CENPP: variants seen among roughly 807,000 people sequenced by gnomAD.
CENPP encodes the protein centromere protein P.
CENPP carries 24 observed loss-of-function variants against 35.6 expected under a neutral mutation model. The observed-to-expected ratio is 0.67, with a 90% CI of 0.49 to 0.95. The LOEUF is 0.95. Among genes scored for constraint, CENPP ranks in the 40% least tolerant of loss-of-function variants. The pLI is 0.00. For synonymous variants in CENPP, 120 were observed against 125.5 expected (o/e 0.96, Z 0.29); for missense variants, 332 against 345.3 (o/e 0.96, Z 0.31).
chr9:92,498,453 A>T (rs944561089), intron 5 of CENPP, among the ~76,000 whole-genome samples: 16 of 151,906 alleles, frequency 1.1e-4, no homozygotes, highest in East Asian at 7.7e-4. Context: ...TAAAAAGAAA[A>T]TATATATATA....
At chr9:92,480,608 T>A (rs1379449000) in intron 5 of CENPP, among the ~76,000 whole-genome samples, 1 of 152,240 alleles carries the variant, frequency 6.6e-6, no homozygotes, top group Non-Finnish European at 1.5e-5. Context: ...TCCATTTAAC[T>A]GGTCTACAAA....
intron 5 of CENPP, among the ~76,000 whole-genome samples, chr9:92,387,041 C>T (rs1842454336): frequency 8.0e-6 from 1 of 124,544 alleles, no homozygotes; most frequent in South Asian, 2.7e-4. Flanking sequence ...GAGCGAGACT[C>T]TGTCTCAAAA....
intron 5 of CENPP, among the ~76,000 whole-genome samples, chr9:92,581,824 G>C (rs1850432861): frequency 6.6e-6 from 1 of 152,088 alleles, no homozygotes; most frequent in African/African-American, 2.4e-5. Context: ...TCATATGAGA[G>C]GCTTTTTAAG....
At chr9:92,587,486 G>GT (rs1300360053) in intron 5 of CENPP, among the ~76,000 whole-genome samples, 3 of 151,806 alleles carry the variant, frequency 2.0e-5, no homozygotes, top group Non-Finnish European at 4.4e-5. Context: ...AAAGGGGGGG[G>GT]ACCAATCAAA....
At chr9:92,522,843 AC>A (rs1320559248) in intron 5 of CENPP, 7 of 1,606,358 alleles carry the variant, frequency 4.4e-6, no homozygotes, top group Admixed American at 1.7e-5. Flanking sequence ...GCAGAAAAAA[AC>A]AAAACAAAAC....
At chr9:92,333,949 C>T (rs1840837842) in intron 2 of CENPP, among the ~76,000 whole-genome samples, 1 of 152,150 alleles carries the variant, frequency 6.6e-6, no homozygotes, top group African/African-American at 2.4e-5. Flanking sequence ...TTTATTGCAG[C>T]TATGCTTTTA....
At chr9:92,450,400 C>T (rs1479079397) in intron 5 of CENPP, among the ~76,000 whole-genome samples, 2 of 152,126 alleles carry the variant, frequency 1.3e-5, no homozygotes, top group Non-Finnish European at 2.9e-5. Context: ...CCAGTTTCAT[C>T]CATGTCCCTA....
At chr9:92,395,944 C>T (rs185021370) in intron 5 of CENPP, among the ~76,000 whole-genome samples, 1 of 151,592 alleles carries the variant, frequency 6.6e-6, no homozygotes, top group East Asian at 1.9e-4. Flanking sequence ...GTTTGCCGAC[C>T]ACCAAGATTT....
At chr9:92,404,776 A>G (rs1216716599) in intron 5 of CENPP, 1 of 521,950 alleles carries the variant, frequency 1.9e-6, no homozygotes, top group Admixed American at 6.2e-5. Context: ...ATTTGACTAT[A>G]AACTTGTGTG....
chr9:92,408,219 C>T (rs150096856), intron 5 of CENPP, among the ~76,000 whole-genome samples: 1,638 of 152,274 alleles, frequency 0.011, 21 homozygotes, highest in South Asian at 0.054. Context: ...CGGAGTCTTG[C>T]TCTGTCTCCA....
intron 5 of CENPP, among the ~76,000 whole-genome samples, chr9:92,381,709 G>A (rs1458701195): frequency 6.6e-6 from 1 of 152,088 alleles, no homozygotes; most frequent in East Asian, 1.9e-4. Flanking sequence ...ATATCTGTTT[G>A]CACCTCTTTC....
At chr9:92,486,754 TTTTG>T (rs1177666846) in intron 5 of CENPP, among the ~76,000 whole-genome samples, 4 of 151,952 alleles carry the variant, frequency 2.6e-5, no homozygotes, top group African/African-American at 9.7e-5. Flanking sequence ...ACTTATACAA[TTTTG>T]TTTATTATAT....
chr9:92,389,964 G>A, intron 5 of CENPP: 5 of 1,610,288 alleles, frequency 3.1e-6, no homozygotes, highest in Non-Finnish European at 3.4e-6. Context: ...TTTTCAGCAA[G>A]TGAAAGTTCT....
chr9:92,470,242 C>T (rs1190195944), intron 5 of CENPP, among the ~76,000 whole-genome samples: 1 of 152,138 alleles, frequency 6.6e-6, no homozygotes, highest in African/African-American at 2.4e-5. Context: ...ATAAGCCATA[C>T]ATGTATATAT....
intron 5 of CENPP, among the ~76,000 whole-genome samples, chr9:92,412,947 T>A (rs1843484700): frequency 6.7e-6 from 1 of 149,086 alleles, no homozygotes. Flanking sequence ...TAGTTAGGAA[T>A]GGAATCGCTG....
chr9:92,491,573 C>T (rs1846172919), intron 5 of CENPP, among the ~76,000 whole-genome samples: 1 of 152,114 alleles, frequency 6.6e-6, no homozygotes, highest in African/African-American at 2.4e-5. Context: ...CTGTCCTCTC[C>T]TTGTCTTGCC....
chr9:92,417,489 T>C (rs745530765), intron 5 of CENPP: 12 of 1,613,798 alleles, frequency 7.4e-6, no homozygotes, highest in African/African-American at 2.7e-5. Flanking sequence ...CACTGATAAG[T>C]TTCATATTGG....
At chr9:92,550,557 G>A (rs1341271985) in intron 5 of CENPP, among the ~76,000 whole-genome samples, 1 of 148,446 alleles carries the variant, frequency 6.7e-6, no homozygotes. Context: ...TTTTTTTTTT[G>A]TTTAGACTTT....
At chr9:92,502,802 GTCT>G in intron 5 of CENPP, 6 of 384,788 alleles carry the variant, frequency 1.6e-5, no homozygotes, top group Admixed American at 5.6e-5. Context: ...TTTTTAAGTT[GTCT>G]TTTTTTTTTT....
Sources: gnomAD v4.1 joint callset for allele counts (sites outside exome capture counted in the v4.1 genomes callset) on GRCh38, gnomAD v4.1.1 for gene constraint, MANE v1.5 for transcripts, NCBI Gene and HGNC (gene_info 2026-07-23, HGNC 2026-07-21) for gene names.